Variants in DOCK3 observed in about 807,000 individuals in gnomAD.
DOCK3 encodes the protein dedicator of cytokinesis protein 3.
In DOCK3, 60 loss-of-function variants were observed where a neutral mutation model predicts 265.6. The observed-to-expected ratio is 0.23, with a 90% CI of 0.18 to 0.28. The LOEUF (loss-of-function observed/expected upper bound fraction) is 0.28, where lower values mean the gene tolerates loss of function less well. Ranked by LOEUF, DOCK3 falls within the 10% of genes least tolerant of loss-of-function variation. The probability of loss-of-function intolerance (pLI) is 1.00; values close to 1 mark genes in which losing one functional copy is unlikely to be tolerated. For synonymous variants in DOCK3, 881 were observed against 938.0 expected (o/e 0.94, Z 1.11); for missense variants, 1,981 against 2,594.3 (o/e 0.76, Z 5.14).
chr3:50,696,108 C>T (rs942226274), intron 1 of DOCK3, among the ~76,000 whole-genome samples: 4 of 152,178 alleles, frequency 2.6e-5, no homozygotes, highest in Admixed American at 2.6e-4. Flanking sequence ...TGCATTCTTT[C>T]TTGCAGTCAT....
intron 2 of DOCK3, among the ~76,000 whole-genome samples, chr3:50,821,762 A>G (rs2044449542): frequency 6.6e-6 from 1 of 152,036 alleles, no homozygotes; most frequent in Non-Finnish European, 1.5e-5. Flanking sequence ...TCCTTTCCCC[A>G]TTGCTTGTTT....
intron 12 of DOCK3, among the ~76,000 whole-genome samples, chr3:51,199,979 T>C (rs1319206378): frequency 1.3e-5 from 2 of 152,218 alleles, no homozygotes; most frequent in African/African-American, 4.8e-5. Flanking sequence ...GGGTCCCGTC[T>C]GTTAGAAGGA....
chr3:50,893,262 C>A, intron 4 of DOCK3: 1 of 308,438 alleles, frequency 3.2e-6, no homozygotes, highest in Non-Finnish European at 6.3e-6. Context: ...CAATAACAGA[C>A]CCTAAAGAAA....
intron 13 of DOCK3, among the ~76,000 whole-genome samples, chr3:51,210,208 A>C (rs2089428307): frequency 6.6e-6 from 1 of 152,204 alleles, no homozygotes; most frequent in South Asian, 2.1e-4. Flanking sequence ...TTGCTTCACC[A>C]GGTTAAGATG....
At chr3:50,782,853 A>G (rs1428119175) in intron 2 of DOCK3, among the ~76,000 whole-genome samples, 1 of 151,278 alleles carries the variant, frequency 6.6e-6, no homozygotes, top group Non-Finnish European at 1.5e-5. Context: ...GCATCCTCAT[A>G]GCTTAGCTCC....
intron 21 of DOCK3, among the ~76,000 whole-genome samples, chr3:51,245,079 A>C (rs1474289225): frequency 2.6e-5 from 4 of 152,220 alleles, no homozygotes; most frequent in African/African-American, 9.6e-5. Flanking sequence ...CTGTAATCCC[A>C]GCACTTTGGG....
At chr3:50,751,899 C>T (rs866824393) in intron 1 of DOCK3, among the ~76,000 whole-genome samples, 3 of 152,020 alleles carry the variant, frequency 2.0e-5, no homozygotes, top group Admixed American at 6.6e-5. Flanking sequence ...TCTTATAAAA[C>T]CATCAGATCT....
intron 2 of DOCK3, among the ~76,000 whole-genome samples, chr3:50,823,448 A>C (rs533686505): frequency 3.9e-5 from 6 of 152,222 alleles, no homozygotes; most frequent in African/African-American, 1.4e-4. Context: ...CCCTGAGTGG[A>C]CACAGCACAT....
At chr3:51,247,482 CAAAA>C (rs915737765) in intron 22 of DOCK3, among the ~76,000 whole-genome samples, 1 of 152,076 alleles carries the variant, frequency 6.6e-6, no homozygotes, top group Non-Finnish European at 1.5e-5. Context: ...AACAAACAAA[CAAAA>C]AACAGTTTTG....
intron 38 of DOCK3, among the ~76,000 whole-genome samples, chr3:51,347,078 A>G (rs531391456): frequency 7.7e-4 from 118 of 152,278 alleles, no homozygotes; most frequent in African/African-American, 2.7e-3. Context: ...ATATTCTCCC[A>G]TTCTGTAGGT....
At chr3:51,342,494 C>T (rs2085306264) in intron 38 of DOCK3, among the ~76,000 whole-genome samples, 1 of 152,236 alleles carries the variant, frequency 6.6e-6, no homozygotes, top group Non-Finnish European at 1.5e-5. Flanking sequence ...TTCCTGGCAC[C>T]TGGCTAACCT....
intron 32 of DOCK3, among the ~76,000 whole-genome samples, chr3:51,316,322 G>A (rs1464136142): frequency 1.3e-5 from 2 of 152,190 alleles, no homozygotes; most frequent in African/African-American, 4.8e-5. Flanking sequence ...GCATGTATCA[G>A]TAGCTTTTCT....
At chr3:50,726,417 A>G (rs2037829455) in intron 1 of DOCK3, among the ~76,000 whole-genome samples, 1 of 152,188 alleles carries the variant, frequency 6.6e-6, no homozygotes, top group Non-Finnish European at 1.5e-5. Flanking sequence ...CCAGAAGTCC[A>G]TGTACATACC....
chr3:51,351,609 A>G (rs539142620), intron 40 of DOCK3, among the ~76,000 whole-genome samples: 1 of 150,702 alleles, frequency 6.6e-6, no homozygotes, highest in East Asian at 2.0e-4. Context: ...ACTCTATTCC[A>G]CAGGAGTGTT....
At chr3:50,945,813 G>A (rs2076411025) in intron 5 of DOCK3, among the ~76,000 whole-genome samples, 1 of 152,150 alleles carries the variant, frequency 6.6e-6, no homozygotes, top group South Asian at 2.1e-4. Context: ...TTTGGAAACA[G>A]ATTTCCTGAA....
intron 49 of DOCK3, among the ~76,000 whole-genome samples, chr3:51,372,637 G>C (rs180791940): frequency 6.6e-6 from 1 of 152,318 alleles, no homozygotes; most frequent in East Asian, 1.9e-4. Flanking sequence ...AGTATACCAG[G>C]TTCCAATCAC....
At chr3:50,938,052 A>T (rs1236784893) in intron 5 of DOCK3, among the ~76,000 whole-genome samples, 5 of 152,118 alleles carry the variant, frequency 3.3e-5, no homozygotes, top group African/African-American at 9.6e-5. Context: ...TATACTATGC[A>T]AACATTAATA....
At chr3:50,732,215 A>G (rs1335639976) in intron 1 of DOCK3, among the ~76,000 whole-genome samples, 2 of 152,082 alleles carry the variant, frequency 1.3e-5, no homozygotes, top group Non-Finnish European at 2.9e-5. Flanking sequence ...CTGAGAACAC[A>G]TGGACTCAGG....
chr3:50,725,195 A>C (rs1172294757), intron 1 of DOCK3, among the ~76,000 whole-genome samples: 1 of 152,190 alleles, frequency 6.6e-6, no homozygotes, highest in African/African-American at 2.4e-5. Context: ...TATGGCGTTT[A>C]TCACATATAT....
Sources: gnomAD v4.1 joint callset for allele counts (sites outside exome capture counted in the v4.1 genomes callset) on GRCh38, gnomAD v4.1.1 for gene constraint, MANE v1.5 for transcripts, NCBI Gene and HGNC (gene_info 2026-07-23, HGNC 2026-07-21) for gene names.